Variants in RABGAP1L observed in about 807,000 individuals in gnomAD.
The protein encoded by RABGAP1L is RAB GTPase activating protein 1 like.
Under a neutral mutation model 137.7 loss-of-function variants are expected in RABGAP1L, and 63 were observed. The observed-to-expected ratio is 0.46, with a 90% CI of 0.37 to 0.56. The LOEUF (loss-of-function observed/expected upper bound fraction) is 0.56, where lower values mean the gene tolerates loss of function less well. Ranked by LOEUF, RABGAP1L falls within the 20% of genes least tolerant of loss-of-function variation. The pLI is 0.00. For missense variants in RABGAP1L, 1,095 were observed against 1,244.0 expected, an observed-to-expected ratio of 0.88 and a Z score of 1.80; for synonymous variants, 431 against 433.7, an observed-to-expected ratio of 0.99 and a Z score of 0.08.
At position 174,582,321 on chromosome 1, in the gene RABGAP1L, C is replaced by T. The variant is rs533872641; in HGVS notation, c.1711-55054C>T. ...AAAATGTAGATCTGAAGCCTAGAGACATGCTTTGAAAAAAAATCATTAGTG... is the reference window on the plus strand; with the variant it reads ...AAAATGTAGATCTGAAGCCTAGAGATATGCTTTGAAAAAAAATCATTAGTG... On this transcript the variant is annotated intron_variant, in intron 13 of 25. Coordinates refer to ENST00000681986, the MANE Select transcript of RABGAP1L (RefSeq NM_001366446.1). Among the ~76,000 whole-genome samples the T allele has an allele frequency of 7.2e-5, 11 of 151,754 alleles. 1 individual carries two copies. In the East Asian group the frequency reaches 1.4e-3, roughly 19 times the overall value.
chr1:174,434,151 A>ACACACACACACACACACACACACC (rs1361968902), intron 13 of RABGAP1L, among the ~76,000 whole-genome samples: 127 of 147,600 alleles, frequency 8.6e-4, no homozygotes, highest in Middle Eastern at 3.5e-3. Flanking sequence ...ACACACACAC[A>ACACACACACACACACACACACACC]CCCTGCCTGG....
chr1:174,209,606 G>A (rs1668735405), intron 1 of RABGAP1L, among the ~76,000 whole-genome samples: 1 of 152,166 alleles, frequency 6.6e-6, no homozygotes, highest in Non-Finnish European at 1.5e-5. Flanking sequence ...AGACTTCTAG[G>A]TTTTTAAACT....
At chr1:174,207,006 G>A (rs1668549883) in intron 1 of RABGAP1L, among the ~76,000 whole-genome samples, 1 of 152,110 alleles carries the variant, frequency 6.6e-6, no homozygotes, top group Non-Finnish European at 1.5e-5. Flanking sequence ...TTTGAGTTTA[G>A]AAGGGGATGG....
At chr1:174,165,531 C>T (rs776110659) in intron 1 of RABGAP1L, among the ~76,000 whole-genome samples, 38 of 151,114 alleles carry the variant, frequency 2.5e-4, no homozygotes, top group Non-Finnish European at 5.2e-4. Flanking sequence ...CAGCATCTCA[C>T]TCCCGTTACT....
At chr1:174,746,217 A>G (rs1683853637) in intron 17 of RABGAP1L, among the ~76,000 whole-genome samples, 1 of 152,244 alleles carries the variant, frequency 6.6e-6, no homozygotes, top group Non-Finnish European at 1.5e-5. Flanking sequence ...TGGCCTACCC[A>G]AGAACATCAT....
intron 2 of RABGAP1L, among the ~76,000 whole-genome samples, chr1:174,220,553 A>G (rs1669681428): frequency 1.3e-5 from 2 of 152,090 alleles, no homozygotes. Flanking sequence ...CTGTAGTCCC[A>G]TCTACTTGAG....
At chr1:174,654,275 A>G (rs1032961637) in intron 14 of RABGAP1L, among the ~76,000 whole-genome samples, 16 of 152,184 alleles carry the variant, frequency 1.1e-4, no homozygotes, top group African/African-American at 3.6e-4. Context: ...ATTTTACAGC[A>G]TAGCAGTCAG....
At chr1:174,877,687 T>C in intron 19 of RABGAP1L, 1 of 1,401,986 alleles carries the variant, frequency 7.1e-7, no homozygotes, top group Non-Finnish European at 1.0e-6. Context: ...AACTGAGGCA[T>C]AACTTGCTGT....
At chr1:174,186,874 T>G (rs186377313) in intron 1 of RABGAP1L, among the ~76,000 whole-genome samples, 207 of 152,364 alleles carry the variant, frequency 1.4e-3, no homozygotes, top group Non-Finnish European at 2.2e-3. Context: ...ATCTTGGTCT[T>G]TCTTTCATCC....
intron 13 of RABGAP1L, among the ~76,000 whole-genome samples, chr1:174,417,596 G>T (rs893443433): frequency 6.6e-6 from 1 of 152,106 alleles, no homozygotes; most frequent in Non-Finnish European, 1.5e-5. Context: ...TTCAAGTTTT[G>T]TATCTCTGGG....
At chr1:174,823,262 A>C (rs1221883773) in intron 19 of RABGAP1L, among the ~76,000 whole-genome samples, 2 of 152,150 alleles carry the variant, frequency 1.3e-5, no homozygotes, top group African/African-American at 4.8e-5. Context: ...ACCTTTCTGA[A>C]GTGTTTTGCC....
At chr1:174,346,008 T>C (rs1163378499) in intron 11 of RABGAP1L, among the ~76,000 whole-genome samples, 1 of 152,216 alleles carries the variant, frequency 6.6e-6, no homozygotes. Flanking sequence ...AATGCTCATA[T>C]GGTCTTTGTC....
At chr1:174,622,090 G>A (rs1342825604) in intron 13 of RABGAP1L, among the ~76,000 whole-genome samples, 4 of 152,100 alleles carry the variant, frequency 2.6e-5, no homozygotes, top group South Asian at 2.1e-4. Context: ...GCAGCCAAGA[G>A]ACACATGAAA....
intron 19 of RABGAP1L, among the ~76,000 whole-genome samples, chr1:174,933,713 G>C (rs1326414686): frequency 6.6e-6 from 1 of 152,132 alleles, no homozygotes; most frequent in Non-Finnish European, 1.5e-5. Context: ...ACTAGTGTTT[G>C]AGACCCTCTA....
Position 174,502,587 on chromosome 1 carries a change from T to TATATAC in RABGAP1L, c.1710+108447_1710+108448insCATATA, listed in dbSNP as rs558217282. Reference sequence around the variant, plus strand: ...GAAGAAAGTACACGGTATATATATATATATATATATGTACATATATGTGTG... The same window carrying TATATAC: ...GAAGAAAGTACACGGTATATATATATATATACATATATATATGTACATATATGTGTG... On this transcript the variant is annotated intron_variant, in intron 13 of 25. Coordinates refer to ENST00000681986, the MANE Select transcript of RABGAP1L (RefSeq NM_001366446.1). 1.4e-3 allele frequency among the ~76,000 whole-genome samples: 202 copies of TATATAC among 147,538 alleles called. 6 individuals are homozygous for TATATAC. Among genetic ancestry groups the TATATAC allele is most frequent in the Non-Finnish European group, 2.1e-3 (143 of 67,168 alleles).
intron 11 of RABGAP1L, among the ~76,000 whole-genome samples, chr1:174,319,732 T>G (rs1345629330): frequency 2.6e-5 from 4 of 152,188 alleles, no homozygotes; most frequent in African/African-American, 9.6e-5. Flanking sequence ...CTATTCTTAG[T>G]CTGCTGGGAG....
At chr1:174,259,271 C>T (rs907779556) in intron 7 of RABGAP1L, among the ~76,000 whole-genome samples, 1 of 152,088 alleles carries the variant, frequency 6.6e-6, no homozygotes, top group Non-Finnish European at 1.5e-5. Flanking sequence ...TACTATAGTG[C>T]TTGGAATACA....
chr1:174,213,438 A>G (rs187280037), intron 1 of RABGAP1L, among the ~76,000 whole-genome samples: 145 of 152,324 alleles, frequency 9.5e-4, no homozygotes, highest in African/African-American at 3.3e-3. Flanking sequence ...ATTCCAAAAA[A>G]TAGAGGAGAA....
intron 13 of RABGAP1L, among the ~76,000 whole-genome samples, chr1:174,581,418 C>T (rs1358159693): frequency 1.3e-5 from 2 of 152,084 alleles, no homozygotes; most frequent in African/African-American, 2.4e-5. Flanking sequence ...AGATGCTAAG[C>T]GAATGAAATG....
Sources: gnomAD v4.1 joint callset for allele counts (sites outside exome capture counted in the v4.1 genomes callset) on GRCh38, gnomAD v4.1.1 for gene constraint, MANE v1.5 for transcripts, NCBI Gene and HGNC (gene_info 2026-07-23, HGNC 2026-07-21) for gene names.